KAZN: variants seen among roughly 807,000 people sequenced by gnomAD.
The protein encoded by KAZN is kazrin, periplakin interacting protein.
In KAZN, 40 loss-of-function variants were observed where a neutral mutation model predicts 87.4. That is an observed-to-expected ratio of 0.46 (90% CI 0.36 to 0.60). KAZN has a LOEUF of 0.60. Ranked by LOEUF, KAZN falls within the 20% of genes least tolerant of loss-of-function variation. KAZN has a pLI of 0.00. For missense variants in KAZN, 898 were observed against 1,073.9 expected, an observed-to-expected ratio of 0.84 and a Z score of 2.29; for synonymous variants, 466 against 458.3, an observed-to-expected ratio of 1.02 and a Z score of -0.22.
chr1:14,357,813 G>T (rs993441622), intron 2 of KAZN, among the ~76,000 whole-genome samples: 3 of 152,170 alleles, frequency 2.0e-5, no homozygotes, highest in Non-Finnish European at 2.9e-5. Flanking sequence ...TGTGCTGCTG[G>T]ATTCGGTTTG....
rs1273458024 is a variant in KAZN, at chr1:15,116,846, G to A, written c.*2211G>A. 2.0e-5 allele frequency: 3 copies of A among 152,236 alleles called. No individual in the cohort carries two copies. Among genetic ancestry groups the A allele is most frequent in the Non-Finnish European group, 4.4e-5 (3 of 68,062 alleles). 9.4% of individuals were successfully genotyped at this position (152,236 alleles called of 1,614,324 possible). A position where few individuals can be genotyped will look rare whatever the true frequency, so the allele number is the denominator to read the frequency against. Reference sequence around the variant, plus strand: ...GGTTCGATCTTGCTGGAGACAAGTGGACAATTGGGGGTCACTGGCAGAGAC... The same window carrying A: ...GGTTCGATCTTGCTGGAGACAAGTGAACAATTGGGGGTCACTGGCAGAGAC... On this transcript the variant is annotated 3_prime_UTR_variant, in exon 15 of 15. Coordinates refer to ENST00000376030, the MANE Select transcript of KAZN (RefSeq NM_201628.3).
chr1:13,991,142 G>A (rs1639266002), intron 1 of KAZN, among the ~76,000 whole-genome samples: 1 of 152,098 alleles, frequency 6.6e-6, no homozygotes, highest in South Asian at 2.1e-4. Context: ...CTTGGTGGGA[G>A]GAGTGAAGGG....
intron 1 of KAZN, among the ~76,000 whole-genome samples, chr1:14,675,831 CT>C (rs1372450985): frequency 6.6e-6 from 1 of 152,090 alleles, no homozygotes; most frequent in African/African-American, 2.4e-5. Flanking sequence ...CTCAGAGAAC[CT>C]TCTGGCCCTG....
chr1:14,849,108 G>C (rs1413597075), intron 1 of KAZN, among the ~76,000 whole-genome samples: 1 of 152,184 alleles, frequency 6.6e-6, no homozygotes, highest in African/African-American at 2.4e-5. Flanking sequence ...GCCACTCCCA[G>C]GGGAAAGTAG....
At chr1:14,606,475 A>G (rs1677368661) in intron 1 of KAZN, among the ~76,000 whole-genome samples, 1 of 152,148 alleles carries the variant, frequency 6.6e-6, no homozygotes, top group Non-Finnish European at 1.5e-5. Flanking sequence ...TCACTAATAA[A>G]AAGGACTATT....
chr1:13,925,533 C>A (rs929924978), intron 1 of KAZN, among the ~76,000 whole-genome samples: 1 of 150,444 alleles, frequency 6.6e-6, no homozygotes, highest in African/African-American at 2.4e-5. Context: ...AAAGACCCTG[C>A]GATAGATTAA....
intron 2 of KAZN, among the ~76,000 whole-genome samples, chr1:14,526,150 G>A (rs1290197990): frequency 1.3e-5 from 2 of 152,110 alleles, no homozygotes; most frequent in Non-Finnish European, 2.9e-5. Context: ...CCCTTCCCTG[G>A]CTTTGAAGCC....
intron 1 of KAZN, among the ~76,000 whole-genome samples, chr1:14,665,950 A>T (rs949911681): frequency 5.0e-4 from 76 of 151,912 alleles, no homozygotes; most frequent in East Asian, 2.1e-3. Context: ...AAAAAAAAAA[A>T]AAATAACATA....
chr1:15,013,753 CAAA>C (rs906482222), intron 2 of KAZN, among the ~76,000 whole-genome samples: 1 of 133,662 alleles, frequency 7.5e-6, no homozygotes. Context: ...GACTCCATCT[CAAA>C]AAAAAAAAAA....
At chr1:14,122,820 G>T (rs1644780678) in intron 1 of KAZN, among the ~76,000 whole-genome samples, 2 of 151,826 alleles carry the variant, frequency 1.3e-5, no homozygotes, top group Admixed American at 1.3e-4. Context: ...TAACTTTTTT[G>T]TCCTTGTTTT....
chr1:13,905,564 T>G (rs1214640026), intron 1 of KAZN, among the ~76,000 whole-genome samples: 1 of 152,188 alleles, frequency 6.6e-6, no homozygotes, highest in Non-Finnish European at 1.5e-5. Context: ...TCTTCCCTGA[T>G]GTCGAGCCCT....
Position 15,056,135 on chromosome 1 carries a change from G to T in KAZN, c.771G>T (p.Arg257=). The T allele has an allele frequency of 6.2e-7, 1 of 1,613,964 alleles. No individual in the cohort carries two copies. Residue 257 remains arginine, a synonymous_variant, in exon 5 of 15, where the codon CGG becomes CGT. Transcript: ENST00000376030. The surrounding 1 kb of genome is among the most constrained non-coding windows in gnomAD (Gnocchi z 5.4). ...CGCTGACCAAGGACGTCCCCAAGCG[G>T]CATTCCCTCGCCATGCCGGGCGAGA... ...LATLTKDVPK[R]HSLAMPGETV...
In KAZN at chr1:14,304,457, A is replaced by G. The variant is rs559334038; in HGVS notation, c.249+123865A>G. 2.0e-5 allele frequency: 8 copies of G among 394,918 alleles called. No homozygotes were observed. In the Admixed American group the frequency reaches 3.1e-4, roughly 15 times the overall value. The allele number at this position is 394,918 out of a possible 1,614,324, so 24.5% of individuals were successfully genotyped here. ...GCTGTTCAGCCTCTATTTCCATCCC[A>G]CGAGGTCTGACTATCTTCACTAAGC... is the stretch of plus-strand genomic sequence containing the variant. On this transcript the variant is annotated intron_variant, in intron 2 of 16. Transcript: ENST00000636203.
At chr1:14,394,952 C>G (rs148237118) in intron 2 of KAZN, among the ~76,000 whole-genome samples, 1 of 152,286 alleles carries the variant, frequency 6.6e-6, no homozygotes, top group Non-Finnish European at 1.5e-5. Flanking sequence ...CTACTTTGCA[C>G]TGCTGTGATG....
intron 1 of KAZN, among the ~76,000 whole-genome samples, chr1:14,897,314 T>G (rs1320520418): frequency 6.6e-6 from 1 of 152,186 alleles, no homozygotes; most frequent in African/African-American, 2.4e-5. Flanking sequence ...ACCAAGAGAA[T>G]GACACATGCT....
intron 1 of KAZN, among the ~76,000 whole-genome samples, chr1:14,797,437 G>C (rs1479451859): frequency 6.6e-6 from 1 of 152,212 alleles, no homozygotes; most frequent in Non-Finnish European, 1.5e-5. Flanking sequence ...GAACCTGGAA[G>C]CCGTTCCAGG....
At chr1:14,507,367 T>C (rs911960343) in intron 2 of KAZN, among the ~76,000 whole-genome samples, 1 of 152,200 alleles carries the variant, frequency 6.6e-6, no homozygotes, top group Non-Finnish European at 1.5e-5. Flanking sequence ...GTAAAATGAC[T>C]TACAACAGCT....
chr1:14,443,324 T>A (rs1331748648), intron 2 of KAZN, among the ~76,000 whole-genome samples: 1 of 152,198 alleles, frequency 6.6e-6, no homozygotes, highest in Non-Finnish European at 1.5e-5. Flanking sequence ...GGCCACTGGA[T>A]CTTCAAAGGC....
intron 2 of KAZN, among the ~76,000 whole-genome samples, chr1:14,999,273 C>T (rs1668209678): frequency 6.6e-6 from 1 of 152,204 alleles, no homozygotes; most frequent in Non-Finnish European, 1.5e-5. Flanking sequence ...GTTGGAATCC[C>T]AGGTCTTACT....
Sources: gnomAD v4.1 joint callset for allele counts (sites outside exome capture counted in the v4.1 genomes callset) on GRCh38, gnomAD v4.1.1 for gene constraint, Gnocchi (gnomAD v3.1) non-coding constraint, MANE v1.5 for transcripts, NCBI Gene and HGNC (gene_info 2026-07-23, HGNC 2026-07-21) for gene names.